The following RTN1 variants were observed in gnomAD, a reference collection of about 807,000 sequenced individuals.
RTN1 encodes reticulon 1.
In RTN1, 25 loss-of-function variants were observed where a neutral mutation model predicts 65.5. The ratio of observed to expected loss-of-function variants is 0.38; its 90% confidence interval spans 0.28 to 0.53. The LOEUF (loss-of-function observed/expected upper bound fraction) is 0.53. Among genes scored for constraint, RTN1 ranks in the 20% least tolerant of loss-of-function variants. The pLI is 0.79. For missense variants in RTN1, 983 were observed against 1,025.4 expected, an observed-to-expected ratio of 0.96 and a Z score of 0.57; for synonymous variants, 471 against 447.6, an observed-to-expected ratio of 1.05 and a Z score of -0.66.
intron 1 of RTN1, among the ~76,000 whole-genome samples, chr14:59,750,213 T>TATATTATATCTATAATATATAATAC (rs1885440294): frequency 4.6e-5 from 1 of 21,940 alleles, no homozygotes; most frequent in Non-Finnish European, 7.2e-5. Flanking sequence ...ATATATAATA[T>TATATTATATCTATAATATATAATAC]ATATATTATA....
chr14:59,805,631 C>A (rs560110531), intron 1 of RTN1, among the ~76,000 whole-genome samples: 59 of 152,208 alleles, frequency 3.9e-4, no homozygotes, highest in Admixed American at 1.6e-3. Context: ...GTATCATAAA[C>A]CTTGATTGTT....
chr14:59,794,891 A>C lies in RTN1; in HGVS notation c.242-48410T>G, dbSNP rs767553288. Among the ~76,000 whole-genome samples the C allele has an allele frequency of 4.6e-5, 7 of 152,192 alleles. No individual in the cohort carries two copies. The highest frequency in any genetic ancestry group is 1.4e-4 in the African/African-American group (6 of 41,456). On this transcript the variant is annotated intron_variant, in intron 1 of 8. Transcript: ENST00000267484. This position sits in a 1 kb window ranked among gnomAD's most constrained non-coding sequence, Gnocchi z 5.1. The stretch of plus-strand genomic sequence containing the variant: ...CTAGGTATCCAAATGTCTAGCAAAA[A>C]AGTTTTTCCACTACAGGAGAAGAAA...
chr14:59,851,418 T>C (rs190679127), intron 1 of RTN1, among the ~76,000 whole-genome samples: 23 of 152,326 alleles, frequency 1.5e-4, no homozygotes, highest in Admixed American at 1.5e-3. Context: ...CAGATTACTA[T>C]ACTTAAAAAA....
intron 1 of RTN1, among the ~76,000 whole-genome samples, chr14:59,761,415 C>G (rs1885746032): frequency 6.6e-6 from 1 of 152,194 alleles, no homozygotes; most frequent in African/African-American, 2.4e-5. Context: ...CAGTCCTTCT[C>G]TTGCCTGCTA....
intron 3 of RTN1, among the ~76,000 whole-genome samples, chr14:59,631,018 C>A (rs1282989119): frequency 1.3e-5 from 2 of 152,216 alleles, no homozygotes; most frequent in African/African-American, 4.8e-5. Flanking sequence ...TCATAAATGT[C>A]AGGCTTGCAG....
intron 1 of RTN1, among the ~76,000 whole-genome samples, chr14:59,747,627 G>T (rs564950002): frequency 4.6e-5 from 7 of 151,536 alleles, no homozygotes; most frequent in Admixed American, 6.6e-5. Context: ...AAAAAATAGT[G>T]AGCATAAAAG....
intron 1 of RTN1, among the ~76,000 whole-genome samples, chr14:59,858,475 T>C (rs552642585): frequency 6.6e-6 from 1 of 151,978 alleles, no homozygotes; most frequent in African/African-American, 2.4e-5. Context: ...AAGAGTAGTT[T>C]TTTTTTTTTT....
chr14:59,826,467 G>A (rs897349248), intron 1 of RTN1, among the ~76,000 whole-genome samples: 1 of 152,160 alleles, frequency 6.6e-6, no homozygotes, highest in Admixed American at 6.5e-5. Flanking sequence ...TATTCAGACT[G>A]CCATATTTCC....
intron 3 of RTN1, among the ~76,000 whole-genome samples, chr14:59,637,950 C>G (rs901463451): frequency 6.6e-6 from 1 of 151,830 alleles, no homozygotes; most frequent in Non-Finnish European, 1.5e-5. Context: ...CTCCTGGGTT[C>G]AAGTGATTCT....
intron 3 of RTN1, among the ~76,000 whole-genome samples, chr14:59,706,804 A>G (rs1252027676): frequency 6.6e-6 from 1 of 152,208 alleles, no homozygotes; most frequent in Non-Finnish European, 1.5e-5. Flanking sequence ...GGCGCTGGAC[A>G]TCTTAACACT....
chr14:59,651,536 G>C (rs2208162), intron 3 of RTN1, among the ~76,000 whole-genome samples: 1 of 151,756 alleles, frequency 6.6e-6, no homozygotes, highest in African/African-American at 2.4e-5. Flanking sequence ...TCAGGAGTTC[G>C]AGATCAGCCT....
intron 1 of RTN1, among the ~76,000 whole-genome samples, chr14:59,855,074 A>G (rs1317082903): frequency 6.6e-6 from 1 of 152,242 alleles, no homozygotes; most frequent in African/African-American, 2.4e-5. Context: ...AATATGGCTT[A>G]GATTTTGTGC....
intron 1 of RTN1, among the ~76,000 whole-genome samples, chr14:59,755,669 G>A (rs1594726670): frequency 6.6e-6 from 1 of 152,168 alleles, no homozygotes; most frequent in Non-Finnish European, 1.5e-5. Context: ...ATGCCAGAGA[G>A]ACTCTAGGAA....
intron 1 of RTN1, among the ~76,000 whole-genome samples, chr14:59,781,365 C>G (rs548144350): frequency 4.6e-5 from 7 of 152,156 alleles, no homozygotes; most frequent in African/African-American, 1.4e-4. Context: ...TTATGTTCCA[C>G]TTAGTGTTCT....
At chr14:59,707,754 CACAA>C (rs1437588949) in intron 3 of RTN1, among the ~76,000 whole-genome samples, 4 of 151,902 alleles carry the variant, frequency 2.6e-5, no homozygotes, top group Non-Finnish European at 5.9e-5. Flanking sequence ...AATACATACA[CACAA>C]ACACACACAT....
At chr14:59,753,610 A>G (rs946105970) in intron 1 of RTN1, among the ~76,000 whole-genome samples, 5 of 152,318 alleles carry the variant, frequency 3.3e-5, no homozygotes, top group East Asian at 3.9e-4. Flanking sequence ...TTGTAAACAG[A>G]AAGTCCTCCT....
At chr14:59,615,909 T>G (rs1267754481) in intron 3 of RTN1, among the ~76,000 whole-genome samples, 1 of 151,942 alleles carries the variant, frequency 6.6e-6, no homozygotes, top group Admixed American at 6.6e-5. Context: ...TTTTTTAAAA[T>G]TTTTTTTGGA....
chr14:59,851,185 G>A (rs1034389850), intron 1 of RTN1, among the ~76,000 whole-genome samples: 6 of 152,106 alleles, frequency 3.9e-5, no homozygotes, highest in Admixed American at 6.5e-5. Flanking sequence ...TTCAATAAAC[G>A]TTGTGTGACA....
At chr14:59,665,706 G>T (rs1883354585) in intron 3 of RTN1, among the ~76,000 whole-genome samples, 1 of 152,074 alleles carries the variant, frequency 6.6e-6, no homozygotes, top group East Asian at 1.9e-4. Context: ...CATTTCACAT[G>T]CAAAGACACA....
Sources: gnomAD v4.1 joint callset for allele counts (sites outside exome capture counted in the v4.1 genomes callset) on GRCh38, gnomAD v4.1.1 for gene constraint, Gnocchi (gnomAD v3.1) non-coding constraint, MANE v1.5 for transcripts, NCBI Gene and HGNC (gene_info 2026-07-23, HGNC 2026-07-21) for gene names.